Variants in DNAH9 observed in about 807,000 individuals in gnomAD.
DNAH9 encodes the protein DNAH9 variant protein.
In DNAH9, 345 loss-of-function variants were observed where a neutral mutation model predicts 471.6. The observed-to-expected ratio is 0.73, with a 90% CI of 0.67 to 0.80. The LOEUF (loss-of-function observed/expected upper bound fraction) is 0.80. Ranked by LOEUF, DNAH9 falls within the 30% of genes least tolerant of loss-of-function variation. The probability of loss-of-function intolerance (pLI) is 0.00; values close to 1 mark genes in which losing one functional copy is unlikely to be tolerated. For missense variants in DNAH9, 5,407 were observed against 5,609.2 expected, an observed-to-expected ratio of 0.96 and a Z score of 1.15; for synonymous variants, 2,093 against 2,123.6, an observed-to-expected ratio of 0.99 and a Z score of 0.40.
intron 19 of DNAH9, among the ~76,000 whole-genome samples, chr17:11,683,464 G>A (rs1597474322): frequency 6.6e-6 from 1 of 152,028 alleles, no homozygotes; most frequent in Non-Finnish European, 1.5e-5. Context: ...GAACCACCAC[G>A]CCCGGCCCAA....
At chr17:11,694,028 A>G (rs1022488588) in intron 21 of DNAH9, 30 bp downstream of exon 21, 4 of 1,604,160 alleles carry the variant, frequency 2.5e-6, no homozygotes, top group Admixed American at 1.8e-5. Context: ...CCCTTCTCTA[A>G]TAAGAAGGCA....
intron 35 of DNAH9, among the ~76,000 whole-genome samples, chr17:11,760,841 A>G (rs1270878712): frequency 6.6e-6 from 1 of 152,128 alleles, no homozygotes; most frequent in Non-Finnish European, 1.5e-5. Context: ...TCTCACAGCC[A>G]CCCTGCGGAT....
chr17:11,782,576 C>T (rs1212796356), intron 39 of DNAH9, among the ~76,000 whole-genome samples: 1 of 152,156 alleles, frequency 6.6e-6, no homozygotes, highest in African/African-American at 2.4e-5. Context: ...TCCCCATCTC[C>T]TCATTAGCTG....
chr17:11,808,053 T>A (rs1450110081), intron 44 of DNAH9, among the ~76,000 whole-genome samples, 159 bp downstream of exon 44: 2 of 152,176 alleles, frequency 1.3e-5, no homozygotes, highest in Non-Finnish European at 2.9e-5. Context: ...GTGAATGACT[T>A]CTCATTAGAC....
chr17:11,653,178 T>C (rs184398788), intron 14 of DNAH9, among the ~76,000 whole-genome samples, 176 bp downstream of exon 14: 2 of 152,214 alleles, frequency 1.3e-5, no homozygotes, highest in Admixed American at 1.3e-4. Flanking sequence ...AAATGAAAAG[T>C]TGCATTTTGG....
At chr17:11,906,247 G>A (rs538078377) in intron 61 of DNAH9, among the ~76,000 whole-genome samples, 7 of 152,106 alleles carry the variant, frequency 4.6e-5, no homozygotes, top group East Asian at 1.9e-4. Flanking sequence ...AAAGATACCC[G>A]CATGTATATG....
intron 43 of DNAH9, among the ~76,000 whole-genome samples, chr17:11,800,601 A>G (rs1161529263): frequency 2.0e-5 from 3 of 151,464 alleles, no homozygotes; most frequent in Non-Finnish European, 4.4e-5. Context: ...TTACTTTCTC[A>G]CTTCTGATTT....
rs1974610377 is a variant in DNAH9, at chr17:11,934,015, T to C, written c.12433T>C (p.Ser4145Pro). ...IRPEMLEGELSLAPGFPLPGN... is the reference protein window; with the variant it reads ...IRPEMLEGELPLAPGFPLPGN... The stretch of plus-strand genomic sequence containing the variant: ...ACCAGAAATGTTAGAAGGAGAACTG[T>C]CTTTGGCCCCAGGGTTCCCACTCCC... Residue 4145 changes from serine to proline, a missense_variant, in exon 65 of 69, where the codon TCT (serine) becomes CCT (proline). Transcript: ENST00000262442. 6.2e-7 allele frequency: 1 copy of C among 1,614,144 alleles called. No homozygotes were observed. The highest frequency in any genetic ancestry group is 1.1e-5 in the South Asian group (1 of 91,082).
chr17:11,962,456 A>G lies in DNAH9; in HGVS notation c.13233+200A>G, dbSNP rs867202304. 2.9e-4 allele frequency among the ~76,000 whole-genome samples: 44 copies of G among 152,344 alleles called. No homozygotes were observed. The highest frequency in any genetic ancestry group is 1.0e-3 in the African/African-American group (43 of 41,582). ...AAGTTTTGCAGAGGCAGTAGAGTGG[A>G]GAGGTTAATAGCAAGGGCTTTGGAA... On this transcript the variant is annotated intron_variant, in intron 68 of 68. Transcript: ENST00000262442. This position sits in a 1 kb window ranked among gnomAD's most constrained non-coding sequence, Gnocchi z 4.1.
At chr17:11,867,722 C>T (rs952152528) in intron 50 of DNAH9, among the ~76,000 whole-genome samples, 1 of 152,304 alleles carries the variant, frequency 6.6e-6, no homozygotes, top group East Asian at 1.9e-4. Flanking sequence ...TCTAGGTCTG[C>T]AGGCAAGGGC....
intron 55 of DNAH9, chr17:11,882,951 A>G (rs1232964158): frequency 3.0e-6 from 3 of 985,404 alleles, no homozygotes; most frequent in East Asian, 1.1e-4. Context: ...GGAACCTCCA[A>G]CAGGAAGGTT....
chr17:11,926,015 G>A (rs1031499775), intron 62 of DNAH9, among the ~76,000 whole-genome samples: 8 of 104,810 alleles, frequency 7.6e-5, no homozygotes, highest in Admixed American at 1.5e-4. Context: ...TTCCCAGCCT[G>A]TAAACCTGAG....
intron 57 of DNAH9, among the ~76,000 whole-genome samples, chr17:11,888,856 G>A (rs1226643913): frequency 6.6e-6 from 1 of 152,138 alleles, no homozygotes; most frequent in Non-Finnish European, 1.5e-5. Context: ...AGAAAGAAGA[G>A]GCATTCTCAG....
rs552684755 is a variant in DNAH9 at position 11,618,995 on chromosome 17, C to T, written c.1117-553C>T. ...AGAAAACCGAAACCAAAAGTAGGAG[C>T]AAAAAAAGAAAACATATTGGCTCAT... On this transcript the variant is annotated intron_variant, in intron 5 of 68. Transcript: ENST00000262442. 1.2e-4 allele frequency among the ~76,000 whole-genome samples: 18 copies of T among 151,904 alleles called. No homozygotes were observed. In the East Asian group the frequency reaches 3.5e-3, roughly 29 times the overall value.
intron 52 of DNAH9, among the ~76,000 whole-genome samples, chr17:11,874,397 C>G (rs891555561): frequency 1.3e-5 from 2 of 152,120 alleles, no homozygotes; most frequent in Non-Finnish European, 2.9e-5. Context: ...CCCACAGGCA[C>G]CAGCAGGCAG....
At chr17:11,936,342 A>C (rs1250806727) in intron 65 of DNAH9, among the ~76,000 whole-genome samples, 1 of 152,204 alleles carries the variant, frequency 6.6e-6, no homozygotes. Flanking sequence ...CGCTCAAAAC[A>C]TTCAGAGCCA....
intron 31 of DNAH9, among the ~76,000 whole-genome samples, chr17:11,747,150 T>C (rs944668319): frequency 6.6e-6 from 1 of 152,232 alleles, no homozygotes; most frequent in East Asian, 1.9e-4. Context: ...TTGTAAGTTA[T>C]GTGTACAAAA....
chr17:11,629,373 T>C (rs2073026202), intron 6 of DNAH9, 44 bp from the exon 7 acceptor site: 1 of 1,573,456 alleles, frequency 6.4e-7, no homozygotes, highest in Non-Finnish European at 8.7e-7. Context: ...CTTGCGATAG[T>C]TTGCTGAGAA....
intron 57 of DNAH9, among the ~76,000 whole-genome samples, chr17:11,890,083 C>T (rs1973002804): frequency 6.6e-6 from 1 of 152,110 alleles, no homozygotes; most frequent in Admixed American, 6.5e-5. Context: ...ACATGTTTTC[C>T]TGAATTGTGA....
Sources: gnomAD v4.1 joint callset for allele counts (sites outside exome capture counted in the v4.1 genomes callset) on GRCh38, gnomAD v4.1.1 for gene constraint, Gnocchi (gnomAD v3.1) non-coding constraint, MANE v1.5 for transcripts, NCBI Gene and HGNC (gene_info 2026-07-23, HGNC 2026-07-21) for gene names.